Variants in LIMD1 observed in about 807,000 individuals in gnomAD.
LIMD1 encodes LIM domain-containing protein 1.
In LIMD1, 23 loss-of-function variants were observed where a neutral mutation model predicts 58.4. The ratio of observed to expected loss-of-function variants is 0.39; its 90% CI spans 0.28 to 0.56. LIMD1 has a LOEUF of 0.56. Among genes scored for constraint, LIMD1 ranks in the 20% least tolerant of loss-of-function variants. LIMD1 has a pLI of 0.57. For missense variants in LIMD1, 838 were observed against 855.5 expected (o/e 0.98, Z 0.25); for synonymous variants, 334 against 345.5 (o/e 0.97, Z 0.37).
rs58994550 is a variant in LIMD1, at chr3:45,653,933, G to GA, written c.1511-11705dup. 6.4e-4 allele frequency among the ~76,000 whole-genome samples: 76 copies of GA among 118,030 alleles called. No homozygotes were observed. The East Asian group carries it at 7.3e-3, about 11-fold the overall frequency. 77.4% of individuals were successfully genotyped at this position (118,030 alleles called of 152,430 possible). A position where few individuals can be genotyped will look rare whatever the true frequency, so the allele number is the denominator to read the frequency against. On this transcript the variant is annotated intron_variant, in intron 2 of 7. Coordinates refer to ENST00000273317, the MANE Select transcript of LIMD1 (RefSeq NM_014240.3). ...AAAAAAAAAAAAAAAAAAAGAAAAA[G>GA]AAAAAAAAAAAAGAACCTATTCTAG...
intron 2 of LIMD1, among the ~76,000 whole-genome samples, chr3:45,642,173 CTT>C (rs763109409): frequency 0.031 from 4,527 of 144,972 alleles, 73 homozygotes; most frequent in Non-Finnish European, 0.042. Context: ...AAAATTGTAT[CTT>C]TTTTTTTTTT....
rs1338000365 is a variant in LIMD1, at chr3:45,679,438, G to A, written c.*2379G>A. The A allele has an allele frequency of 6.6e-6, 1 of 152,206 alleles. No homozygotes were observed. Among genetic ancestry groups the A allele is most frequent in the East Asian group, 1.9e-4 (1 of 5,198 alleles). The allele number at this position is 152,206 out of a possible 1,614,324, so 9.4% of individuals were successfully genotyped here. A position where few individuals can be genotyped will look rare whatever the true frequency, so the allele number is the denominator to read the frequency against. ...TGTTCACCTACCCGGTATTTTAAAT[G>A]TTCTGTAAATTATTAGCCAAATAGA... On this transcript the variant is annotated 3_prime_UTR_variant, in exon 8 of 8. Transcript: ENST00000273317.
chr3:45,648,045 T>A (rs1174655286), intron 2 of LIMD1, among the ~76,000 whole-genome samples: 1 of 152,212 alleles, frequency 6.6e-6, no homozygotes, highest in Non-Finnish European at 1.5e-5. Context: ...TTTTCAATTA[T>A]GATTAGATTG....
chr3:45,648,168 A>G lies in LIMD1; in HGVS notation c.1510+11917A>G, dbSNP rs1407560928. Among the ~76,000 whole-genome samples the G allele has an allele frequency of 2.0e-5, 3 of 152,308 alleles. 1 individual carries two copies. Among genetic ancestry groups the G allele is most frequent in the South Asian group, 4.1e-4 (2 of 4,828 alleles). On this transcript the variant is annotated intron_variant, in intron 2 of 7. Coordinates refer to ENST00000273317, the MANE Select transcript of LIMD1 (RefSeq NM_014240.3). Reference sequence around the variant, plus strand: ...CTTATAACCCTTCAGCACCTTTAGTATAATTCTGAACACAGAATAAATGTT... The same window carrying G: ...CTTATAACCCTTCAGCACCTTTAGTGTAATTCTGAACACAGAATAAATGTT...
At chr3:45,674,723 C>A (rs558542177) in intron 7 of LIMD1, among the ~76,000 whole-genome samples, 87 of 152,288 alleles carry the variant, frequency 5.7e-4, no homozygotes, top group African/African-American at 2.0e-3. Flanking sequence ...CTGCGGGCCA[C>A]ATTGTCAGGC....
chr3:45,602,261 T>A (rs1379498985), intron 1 of LIMD1, among the ~76,000 whole-genome samples: 1 of 152,144 alleles, frequency 6.6e-6, no homozygotes, highest in East Asian at 1.9e-4. Flanking sequence ...GCTGTGGACT[T>A]TTGTGTCCCC....
At chr3:45,625,111 G>C (rs1245102412) in intron 1 of LIMD1, among the ~76,000 whole-genome samples, 1 of 151,586 alleles carries the variant, frequency 6.6e-6, no homozygotes, top group Non-Finnish European at 1.5e-5. Flanking sequence ...ACCACTGCAG[G>C]GGGCCAGGAC....
chr3:45,660,560 C>T (rs954287172), intron 2 of LIMD1, among the ~76,000 whole-genome samples: 2 of 152,054 alleles, frequency 1.3e-5, no homozygotes, highest in Non-Finnish European at 1.5e-5. Flanking sequence ...GGATTATAGG[C>T]GCGTGCCACC....
chr3:45,645,101 A>C, intron 2 of LIMD1, among the ~76,000 whole-genome samples: 1 of 152,258 alleles, frequency 6.6e-6, no homozygotes, highest in East Asian at 1.9e-4. Flanking sequence ...AAAGGAAATC[A>C]GTGGGCACAG....
intron 2 of LIMD1, among the ~76,000 whole-genome samples, chr3:45,656,586 C>T (rs369318779): frequency 1.1e-4 from 17 of 151,704 alleles, no homozygotes; most frequent in East Asian, 5.8e-4. Context: ...GGTGCAATCT[C>T]GGCTCACTGC....
chr3:45,616,964 A>G (rs1575347235), intron 1 of LIMD1, among the ~76,000 whole-genome samples: 1 of 150,202 alleles, frequency 6.7e-6, no homozygotes, highest in Non-Finnish European at 1.5e-5. Context: ...CGAACTCCTG[A>G]CCTCGTGATC....
chr3:45,665,590 T>C, intron 2 of LIMD1, 60 bp from the exon 3 acceptor site: 1 of 1,386,068 alleles, frequency 7.2e-7, no homozygotes, highest in Non-Finnish European at 1.0e-6. Flanking sequence ...ACTTTTCACT[T>C]TTTCCACTGC....
chr3:45,666,564 C>G (rs972583241), intron 3 of LIMD1, among the ~76,000 whole-genome samples: 1 of 152,014 alleles, frequency 6.6e-6, no homozygotes, highest in African/African-American at 2.4e-5. Flanking sequence ...AATGTCTTGC[C>G]CCTTTATTTT....
At chr3:45,631,292 G>A (rs1195186839) in intron 1 of LIMD1, among the ~76,000 whole-genome samples, 3 of 149,356 alleles carry the variant, frequency 2.0e-5, no homozygotes, top group African/African-American at 7.7e-5. Flanking sequence ...GACAGAGTGA[G>A]ACTCTCTCAA....
chr3:45,599,534 G>C (rs1701390913), intron 1 of LIMD1, among the ~76,000 whole-genome samples: 1 of 152,204 alleles, frequency 6.6e-6, no homozygotes, highest in African/African-American at 2.4e-5. Flanking sequence ...TAATAAGCAT[G>C]TGTGTGTTTC....
At chr3:45,620,422 A>G in intron 1 of LIMD1, among the ~76,000 whole-genome samples, 1 of 152,202 alleles carries the variant, frequency 6.6e-6, no homozygotes, top group East Asian at 1.9e-4. Context: ...CCATTAGTAA[A>G]ATGTAGAAAG....
At position 45,595,104 on chromosome 3, in the gene LIMD1, A is replaced by T; in HGVS notation, c.225A>T (p.Arg75Ser). The change falls in exon 1 of 8, where the codon AGA becomes AGT. Residue 75 changes from arginine to serine, a missense_variant. Arg to Ser is a moderately radical substitution (Grantham distance 110). Coordinates refer to ENST00000273317, the MANE Select transcript of LIMD1 (RefSeq NM_014240.3). ...AGGAGACTCTGCCCAGGGGGAGTAG[A>T]GGCCCTGTCAATGGAGGGGGCCGCC... ...LQEETLPRGS[R>S]GPVNGGGRLG... is the part of the protein sequence containing the mutation. 1 of 1,610,906 alleles carries T rather than the reference A, an allele frequency of 6.2e-7. No homozygotes were observed. The highest frequency in any genetic ancestry group is 8.5e-7 in the Non-Finnish European group (1 of 1,178,474).
intron 3 of LIMD1, among the ~76,000 whole-genome samples, chr3:45,666,515 T>C (rs1697521162): frequency 6.6e-6 from 1 of 152,082 alleles, no homozygotes; most frequent in Non-Finnish European, 1.5e-5. Flanking sequence ...TGCAACCTCA[T>C]GCCTTCGTGC....
Position 45,686,015 on chromosome 3 carries a change from T to C in LIMD1, c.*8956T>C, listed in dbSNP as rs2125674184. 6.6e-6 allele frequency: 1 copy of C among 152,308 alleles called. No individual in the cohort carries two copies. The highest frequency in any genetic ancestry group is 1.5e-5 in the Non-Finnish European group (1 of 68,028). 9.4% of individuals were successfully genotyped at this position (152,308 alleles called of 1,614,324 possible). A position where few individuals can be genotyped will look rare whatever the true frequency, so the allele number is the denominator to read the frequency against. ...AGCTGACTCCCAGCACATCCAAGAA[T>C]GCAATTAACTGATAAGATACTGTGG... On this transcript the variant is annotated 3_prime_UTR_variant, in exon 8 of 8. Transcript: ENST00000273317.
Sources: allele counts gnomAD v4.1 joint callset (sites outside exome capture counted in the v4.1 genomes callset), GRCh38; gene constraint gnomAD v4.1.1; transcripts MANE v1.5; gene names NCBI Gene and HGNC (gene_info 2026-07-23, HGNC 2026-07-21).